The following BICC1 variants were observed in gnomAD, a reference collection of about 807,000 sequenced individuals.
BICC1 encodes BicC family RNA binding protein 1, also known as protein bicaudal C homolog 1.
In BICC1, 43 loss-of-function variants were observed where a neutral mutation model predicts 111.0. That is an observed-to-expected ratio of 0.39 (90% confidence interval 0.30 to 0.50). The LOEUF is 0.50. Among genes scored for constraint, BICC1 ranks in the 20% least tolerant of loss-of-function variants. BICC1 has a pLI of 0.88. For missense variants in BICC1, 1,091 were observed against 1,203.2 expected, an observed-to-expected ratio of 0.91 and a Z score of 1.38; for synonymous variants, 467 against 434.4, an observed-to-expected ratio of 1.07 and a Z score of -0.93.
intron 20 of BICC1, among the ~76,000 whole-genome samples, chr10:58,826,920 G>A (rs904776913): frequency 4.5e-4 from 69 of 152,292 alleles, no homozygotes; most frequent in African/African-American, 1.6e-3. Flanking sequence ...AACACCAGCC[G>A]CCAGTCTTTT....
chr10:58,718,422 C>T (rs532842612), intron 3 of BICC1, among the ~76,000 whole-genome samples: 11 of 152,264 alleles, frequency 7.2e-5, no homozygotes, highest in African/African-American at 2.6e-4. Flanking sequence ...GGGTAGGTTT[C>T]AACATAGGAA....
chr10:58,688,042 G>A (rs887084445), intron 2 of BICC1, among the ~76,000 whole-genome samples: 15 of 152,106 alleles, frequency 9.9e-5, no homozygotes, highest in Non-Finnish European at 1.0e-4. Context: ...TGTTCCTCCC[G>A]GTGGGTTCGT....
chr10:58,564,228 C>T (rs1005338140), intron 1 of BICC1, among the ~76,000 whole-genome samples: 2 of 152,104 alleles, frequency 1.3e-5, no homozygotes, highest in African/African-American at 4.8e-5. Context: ...TCACAGAATG[C>T]TTTGCTCTCA....
chr10:58,681,986 A>G (rs1695721599), intron 2 of BICC1, among the ~76,000 whole-genome samples: 1 of 151,356 alleles, frequency 6.6e-6, no homozygotes, highest in African/African-American at 2.4e-5. Context: ...CATTTACATT[A>G]GGTATTTCTC....
intron 1 of BICC1, among the ~76,000 whole-genome samples, chr10:58,542,007 C>T (rs1842996072): frequency 6.6e-6 from 1 of 151,562 alleles, no homozygotes; most frequent in Admixed American, 6.6e-5. Flanking sequence ...AAAAGTTATC[C>T]AGGTGTAGTG....
chr10:58,606,318 T>C (rs1047800486), intron 1 of BICC1, among the ~76,000 whole-genome samples: 1 of 151,978 alleles, frequency 6.6e-6, no homozygotes, highest in African/African-American at 2.4e-5. Flanking sequence ...TTTTTTCCCC[T>C]TGCAACTTAG....
At chr10:58,693,474 C>G (rs911388534) in intron 2 of BICC1, among the ~76,000 whole-genome samples, 2 of 152,190 alleles carry the variant, frequency 1.3e-5, no homozygotes, top group Non-Finnish European at 2.9e-5. Flanking sequence ...TACAGTCCCA[C>G]CAACAGAGTA....
chr10:58,512,226 C>G (rs1034463704), upstream of BICC1, among the ~76,000 whole-genome samples: 18 of 152,138 alleles, frequency 1.2e-4, no homozygotes, highest in African/African-American at 4.3e-4. Context: ...TCTCGTGCAG[C>G]GGGCCACTTT....
chr10:58,748,872 G>C (rs1361875725), intron 3 of BICC1, among the ~76,000 whole-genome samples: 2 of 152,152 alleles, frequency 1.3e-5, no homozygotes, highest in Admixed American at 1.3e-4. Flanking sequence ...AACCTGCTTA[G>C]AGAAGGATTG....
intron 1 of BICC1, among the ~76,000 whole-genome samples, chr10:58,587,120 G>T (rs1161667787): frequency 6.6e-6 from 1 of 152,140 alleles, no homozygotes; most frequent in Non-Finnish European, 1.5e-5. Flanking sequence ...TGCCTCAGGT[G>T]CCTCATGCAT....
chr10:58,697,976 G>A (rs1478839280), intron 2 of BICC1, among the ~76,000 whole-genome samples: 1 of 151,702 alleles, frequency 6.6e-6, no homozygotes, highest in Non-Finnish European at 1.5e-5. Flanking sequence ...ATCACTGGCT[G>A]AGGCTGTCAC....
At chr10:58,659,564 G>A (rs1838774113) in intron 2 of BICC1, among the ~76,000 whole-genome samples, 1 of 152,124 alleles carries the variant, frequency 6.6e-6, no homozygotes, top group Admixed American at 6.5e-5. Flanking sequence ...AACTGAGGGT[G>A]GAGGGAGGGA....
intron 1 of BICC1, among the ~76,000 whole-genome samples, chr10:58,559,696 C>G (rs1289877874): frequency 6.6e-6 from 1 of 152,046 alleles, no homozygotes; most frequent in Non-Finnish European, 1.5e-5. Context: ...TCACATTTCC[C>G]TTGTTCAGTA....
At chr10:58,680,822 G>C (rs892063886) in intron 2 of BICC1, among the ~76,000 whole-genome samples, 4 of 152,194 alleles carry the variant, frequency 2.6e-5, no homozygotes, top group African/African-American at 9.7e-5. Flanking sequence ...TACCAAAACA[G>C]ATATATAGAC....
At chr10:58,786,254 C>T (rs1300467225) in intron 4 of BICC1, among the ~76,000 whole-genome samples, 2 of 152,084 alleles carry the variant, frequency 1.3e-5, no homozygotes, top group Non-Finnish European at 2.9e-5. Context: ...ATGACCACAG[C>T]ATTTTTATTT....
At chr10:58,688,211 CGCT>C (rs1179347873) in intron 2 of BICC1, among the ~76,000 whole-genome samples, 7 of 152,000 alleles carry the variant, frequency 4.6e-5, no homozygotes, top group African/African-American at 1.7e-4. Flanking sequence ...AGTGGGTTGC[CGCT>C]GCTGGCTCGG....
intron 3 of BICC1, among the ~76,000 whole-genome samples, chr10:58,762,294 T>G (rs980783609): frequency 6.6e-6 from 1 of 152,036 alleles, no homozygotes; most frequent in Non-Finnish European, 1.5e-5. Context: ...GCCACTAAAA[T>G]GAGAAAATAT....
At chr10:58,662,372 T>G (rs1838871167) in intron 2 of BICC1, among the ~76,000 whole-genome samples, 2 of 152,114 alleles carry the variant, frequency 1.3e-5, no homozygotes, top group Admixed American at 6.6e-5. Context: ...TAAACAAGGG[T>G]TTTCCACCCA....
At chr10:58,752,557 G>T (rs148115759) in intron 3 of BICC1, among the ~76,000 whole-genome samples, 1 of 152,244 alleles carries the variant, frequency 6.6e-6, no homozygotes, top group Non-Finnish European at 1.5e-5. Context: ...CTACTTGGCT[G>T]CTAGGCTGCT....
Sources: allele counts gnomAD v4.1 joint callset (sites outside exome capture counted in the v4.1 genomes callset), GRCh38; gene constraint gnomAD v4.1.1; transcripts MANE v1.5; gene names NCBI Gene and HGNC (gene_info 2026-07-23, HGNC 2026-07-21).